The following ZBTB7C variants were observed in gnomAD, a reference collection of about 807,000 sequenced individuals.
ZBTB7C encodes zinc finger and BTB domain-containing protein 7C.
Under a neutral mutation model 25.7 loss-of-function variants are expected in ZBTB7C, and 8 were observed. The observed-to-expected ratio is 0.31, with a 90% CI of 0.18 to 0.56. The LOEUF is 0.56. Among genes scored for constraint, ZBTB7C ranks in the 20% least tolerant of loss-of-function variants. ZBTB7C has a pLI of 0.91. For missense variants in ZBTB7C, 824 were observed against 855.2 expected (o/e 0.96, Z 0.46); for synonymous variants, 394 against 369.0 (o/e 1.07, Z -0.78).
At chr18:48,054,576 C>A (rs1598790611) in intron 3 of ZBTB7C, among the ~76,000 whole-genome samples, 1 of 152,288 alleles carries the variant, frequency 6.6e-6, no homozygotes, top group African/African-American at 2.4e-5. Context: ...TCAAAGATCC[C>A]GGCCCTGCCT....
intron 3 of ZBTB7C, among the ~76,000 whole-genome samples, chr18:48,068,132 G>C (rs1222395101): frequency 6.9e-6 from 1 of 144,390 alleles, no homozygotes; most frequent in African/African-American, 2.5e-5. Context: ...CTTGAGCCTT[G>C]TAAGTCTTTT....
intron 3 of ZBTB7C, among the ~76,000 whole-genome samples, chr18:48,096,697 C>T (rs1478390721): frequency 2.0e-5 from 3 of 152,100 alleles, no homozygotes; most frequent in Non-Finnish European, 4.4e-5. Flanking sequence ...TGAATCTCCA[C>T]GTGATCATGA....
chr18:48,148,000 G>A (rs1300368691), intron 3 of ZBTB7C: 1 of 151,710 alleles, frequency 6.6e-6, no homozygotes, highest in Non-Finnish European at 1.5e-5. Context: ...TTTTTTTGAG[G>A]GGTGTGGGAG....
At chr18:48,117,641 G>C (rs1416314897) in intron 3 of ZBTB7C, among the ~76,000 whole-genome samples, 1 of 152,126 alleles carries the variant, frequency 6.6e-6, no homozygotes, top group South Asian at 2.1e-4. Context: ...ACAGGGCCTG[G>C]AGCATCCTAT....
intron 3 of ZBTB7C, among the ~76,000 whole-genome samples, chr18:48,090,193 A>G (rs566155057): frequency 6.6e-6 from 1 of 152,360 alleles, no homozygotes; most frequent in Non-Finnish European, 1.5e-5. Flanking sequence ...GGGAAAGGTG[A>G]GAGCGTAGCA....
At position 48,236,740 on chromosome 18, in the gene ZBTB7C, T is replaced by A. The variant is rs138591551; in HGVS notation, c.-78-50745A>T. Among the ~76,000 whole-genome samples the A allele has an allele frequency of 5.3e-4, 80 of 152,224 alleles. 3 individuals carry two copies. The East Asian group carries it at 8.7e-3, about 17-fold the overall frequency. On this transcript the variant is annotated intron_variant, in intron 2 of 4. Transcript: ENST00000590800. ...TTAAGGTGAGATCAGACTATAAAGG[T>A]GTTAAATAAGAGGATTTCAACTTTA...
chr18:48,168,045 T>C (rs191343772), intron 3 of ZBTB7C, among the ~76,000 whole-genome samples: 3 of 152,326 alleles, frequency 2.0e-5, no homozygotes, highest in Non-Finnish European at 4.4e-5. Context: ...TTGGCCTTGG[T>C]GACCAGGACA....
chr18:48,199,857 C>A (rs2042397125), intron 2 of ZBTB7C, among the ~76,000 whole-genome samples: 2 of 152,184 alleles, frequency 1.3e-5, no homozygotes, highest in South Asian at 4.1e-4. Flanking sequence ...AAGTTCCAGG[C>A]TTGGAGACAC....
chr18:48,120,379 A>C (rs1182583823), intron 3 of ZBTB7C, among the ~76,000 whole-genome samples: 3 of 152,140 alleles, frequency 2.0e-5, no homozygotes, highest in African/African-American at 7.2e-5. Context: ...TAATCCCAGC[A>C]CTTTGGGAGG....
At chr18:48,076,956 T>C in intron 3 of ZBTB7C, 1 of 984,872 alleles carries the variant, frequency 1.0e-6, no homozygotes, top group Non-Finnish European at 1.2e-6. Flanking sequence ...CACTTCTCCA[T>C]AATGTCCTAC....
At chr18:48,031,166 G>C (rs2035732087) in intron 4 of ZBTB7C, among the ~76,000 whole-genome samples, 1 of 152,192 alleles carries the variant, frequency 6.6e-6, no homozygotes, top group South Asian at 2.1e-4. Flanking sequence ...CAGGTCCTAG[G>C]CTCCTGGTGT....
chr18:48,051,268 G>C, intron 3 of ZBTB7C, among the ~76,000 whole-genome samples: 1 of 152,198 alleles, frequency 6.6e-6, no homozygotes, highest in East Asian at 1.9e-4. Context: ...CCAAGGGATG[G>C]GCAGATGGGT....
intron 1 of ZBTB7C, among the ~76,000 whole-genome samples, chr18:48,372,925 T>A (rs2047422325): frequency 6.6e-6 from 1 of 152,168 alleles, no homozygotes; most frequent in African/African-American, 2.4e-5. Flanking sequence ...CATGTCTCCA[T>A]GTCCAACCCT....
intron 2 of ZBTB7C, among the ~76,000 whole-genome samples, chr18:48,270,253 CTTTTTTTTTTT>C (rs760096959): frequency 2.0e-5 from 2 of 98,754 alleles, no homozygotes; most frequent in African/African-American, 7.6e-5. Context: ...TTCTCTCTTT[CTTTTTTTTTTT>C]TTTTTTTTTT....
chr18:48,261,589 T>A (rs1345713428), intron 2 of ZBTB7C, among the ~76,000 whole-genome samples: 5 of 152,156 alleles, frequency 3.3e-5, no homozygotes, highest in Non-Finnish European at 7.4e-5. Flanking sequence ...TACCCCTGAT[T>A]CCCACCCTAG....
intron 2 of ZBTB7C, among the ~76,000 whole-genome samples, chr18:48,293,972 TCAGG>T (rs2045311827): frequency 6.6e-6 from 1 of 152,216 alleles, no homozygotes; most frequent in African/African-American, 2.4e-5. Context: ...AAGCTGGAGA[TCAGG>T]CCCGCTGTGG....
chr18:48,333,277 TG>T (rs111533878), intron 2 of ZBTB7C, among the ~76,000 whole-genome samples: 1 of 152,334 alleles, frequency 6.6e-6, no homozygotes, highest in African/African-American at 2.4e-5. Context: ...CTGTTCCCCC[TG>T]GGCTCCCAGG....
intron 2 of ZBTB7C, among the ~76,000 whole-genome samples, chr18:48,191,292 T>C (rs1461398565): frequency 6.6e-6 from 1 of 152,168 alleles, no homozygotes; most frequent in African/African-American, 2.4e-5. Context: ...CAGGAGGCCA[T>C]GATGCTTGGT....
rs73955344 is a variant in ZBTB7C at position 48,214,011 on chromosome 18, G to A, written c.-78-28016C>T. ...CATCAGCCTGCCTTGCGGTGAGAGC[G>A]GACACCGTGTGCAGGCACCACTTAG... On this transcript the variant is annotated intron_variant, in intron 2 of 4. Transcript: ENST00000590800. Among the ~76,000 whole-genome samples the A allele has an allele frequency of 6.1e-3, 929 of 152,272 alleles. 13 individuals carry two copies. The highest frequency in any genetic ancestry group is 0.02 in the African/African-American group (849 of 41,556).
Sources: allele counts gnomAD v4.1 joint callset (sites outside exome capture counted in the v4.1 genomes callset), GRCh38; gene constraint gnomAD v4.1.1; transcripts MANE v1.5; gene names NCBI Gene and HGNC (gene_info 2026-07-23, HGNC 2026-07-21).